The following ZFYVE9 variants were observed in gnomAD, a reference collection of about 807,000 sequenced individuals.
ZFYVE9 encodes zinc finger FYVE domain-containing protein 9.
A neutral mutation model predicts 126.7 loss-of-function variants in ZFYVE9; 43 were observed. The observed-to-expected ratio is 0.34, with a 90% confidence interval of 0.27 to 0.44. ZFYVE9 has a LOEUF of 0.44. ZFYVE9 is among the 20% of genes least tolerant of loss of function. The probability of loss-of-function intolerance (pLI) is 1.00; values close to 1 mark genes in which losing one functional copy is unlikely to be tolerated. For missense variants in ZFYVE9, 1,476 were observed against 1,697.0 expected, an observed-to-expected ratio of 0.87 and a Z score of 2.29; for synonymous variants, 521 against 597.4, an observed-to-expected ratio of 0.87 and a Z score of 1.87.
intron 1 of ZFYVE9, among the ~76,000 whole-genome samples, chr1:52,143,502 G>T (rs1252944624): frequency 6.6e-6 from 1 of 151,994 alleles, no homozygotes; most frequent in Non-Finnish European, 1.5e-5. Flanking sequence ...AGAAAACTTG[G>T]GAATTATAGA....
At chr1:52,288,951 AAG>A (rs1393518165) in intron 10 of ZFYVE9, among the ~76,000 whole-genome samples, 3 of 151,686 alleles carry the variant, frequency 2.0e-5, no homozygotes, top group East Asian at 1.9e-4. Context: ...AAAAAAGAAA[AAG>A]AAATATTAGT....
chr1:52,186,504 T>C (rs1233647716), intron 1 of ZFYVE9, among the ~76,000 whole-genome samples: 1 of 152,096 alleles, frequency 6.6e-6, no homozygotes, highest in African/African-American at 2.4e-5. Flanking sequence ...GGCATCCAGA[T>C]AGGAAGAAAA....
chr1:52,224,772 TC>T (rs1290940071), intron 2 of ZFYVE9, among the ~76,000 whole-genome samples: 1 of 152,186 alleles, frequency 6.6e-6, no homozygotes, highest in Non-Finnish European at 1.5e-5. Flanking sequence ...CCTTTTATAG[TC>T]CCTGTCTTAC....
chr1:52,192,043 T>TC (rs397779968), intron 1 of ZFYVE9, among the ~76,000 whole-genome samples: 8 of 151,496 alleles, frequency 5.3e-5, no homozygotes, highest in East Asian at 3.9e-4. Flanking sequence ...TTTTTTTTTT[T>TC]CTAGAACAAG....
At chr1:52,206,875 G>C (rs1644983139) in intron 1 of ZFYVE9, among the ~76,000 whole-genome samples, 1 of 152,196 alleles carries the variant, frequency 6.6e-6, no homozygotes, top group Admixed American at 6.5e-5. Flanking sequence ...CTAGCTTGCA[G>C]ACAGTAAATC....
At chr1:52,151,004 T>C (rs1360390977) in intron 1 of ZFYVE9, among the ~76,000 whole-genome samples, 1 of 151,696 alleles carries the variant, frequency 6.6e-6, no homozygotes, top group African/African-American at 2.4e-5. Flanking sequence ...TTTTTTTTTT[T>C]TTAGTAGTAG....
chr1:52,334,865 G>GT, intron 15 of ZFYVE9, 97 bp downstream of exon 15: 3 of 1,198,610 alleles, frequency 2.5e-6, no homozygotes, highest in South Asian at 2.7e-5. Context: ...GACTCCTACT[G>GT]TTTTTTCAGT....
At chr1:52,166,415 C>T (rs560942246) in intron 1 of ZFYVE9, among the ~76,000 whole-genome samples, 1 of 152,166 alleles carries the variant, frequency 6.6e-6, no homozygotes, top group Non-Finnish European at 1.5e-5. Context: ...TTGCAACCTG[C>T]ACTTTACCTC....
At chr1:52,143,135 CCA>C (rs1265059165) in intron 1 of ZFYVE9, among the ~76,000 whole-genome samples, 1 of 152,146 alleles carries the variant, frequency 6.6e-6, no homozygotes, top group East Asian at 1.9e-4. Flanking sequence ...GGTCTGCCCC[CCA>C]CACCCCGCCA....
chr1:52,162,619 GA>G (rs1381048684), intron 1 of ZFYVE9: 1 of 256,892 alleles, frequency 3.9e-6, no homozygotes, highest in Non-Finnish European at 8.2e-6. Context: ...CATACTTCAC[GA>G]AGATCTCTGT....
intron 1 of ZFYVE9, among the ~76,000 whole-genome samples, chr1:52,212,920 A>G (rs572326317): frequency 1.3e-4 from 20 of 152,328 alleles, no homozygotes; most frequent in Non-Finnish European, 2.1e-4. Context: ...GGAATATTAG[A>G]GGAGTTCTGT....
intron 11 of ZFYVE9, among the ~76,000 whole-genome samples, chr1:52,294,502 T>G (rs1184771818): frequency 1.3e-5 from 2 of 152,236 alleles, no homozygotes; most frequent in Admixed American, 6.5e-5. Context: ...AGGCCTCCCA[T>G]ATATCCTGAA....
In ZFYVE9 at chr1:52,322,447, G is replaced by C. The variant is rs147021960; in HGVS notation, c.3439-10321G>C. Among the ~76,000 whole-genome samples the C allele has an allele frequency of 2.3e-3, 339 of 144,500 alleles. 6 individuals carry two copies. Among genetic ancestry groups the C allele is most frequent in the African/African-American group, 8.6e-3 (332 of 38,784 alleles). The allele number at this position is 144,500 out of a possible 152,430, so 94.8% of individuals were successfully genotyped here. ...CAGTGGAGTGCAATGGCGCGATCTC[G>C]GCTCACTGCAACTTCCGCCTCCCGG... On this transcript the variant is annotated intron_variant, in intron 13 of 18. Transcript: ENST00000287727.
intron 4 of ZFYVE9, among the ~76,000 whole-genome samples, chr1:52,255,887 G>A (rs1341791827): frequency 1.4e-5 from 2 of 144,388 alleles, no homozygotes; most frequent in African/African-American, 5.1e-5. Context: ...TTGAGTTTGA[G>A]CTATTTTGCT....
chr1:52,180,465 A>G, intron 1 of ZFYVE9: 2 of 1,103,996 alleles, frequency 1.8e-6, no homozygotes, highest in Non-Finnish European at 2.8e-6. Context: ...CCTGGAGGAA[A>G]ACCCTAAGAA....
chr1:52,153,241 G>T (rs146146248), intron 1 of ZFYVE9, among the ~76,000 whole-genome samples: 1 of 152,206 alleles, frequency 6.6e-6, no homozygotes, highest in Non-Finnish European at 1.5e-5. Flanking sequence ...TCCTCATGAT[G>T]CACAGATCCA....
At chr1:52,271,763 A>G (rs1645694948) in intron 7 of ZFYVE9, among the ~76,000 whole-genome samples, 1 of 152,222 alleles carries the variant, frequency 6.6e-6, no homozygotes. Context: ...AAATCCCACT[A>G]AAAATGTATA....
At chr1:52,162,378 C>T in intron 1 of ZFYVE9, 1 of 344,686 alleles carries the variant, frequency 2.9e-6, no homozygotes, top group Non-Finnish European at 5.8e-6. Context: ...CCTCCGCCAC[C>T]ACCACTATGA....
rs1400888445 is a variant in ZFYVE9, at chr1:52,200,046, G to A, written c.-142-16323G>A. Among the ~76,000 whole-genome samples the A allele has an allele frequency of 4.3e-5, 6 of 140,284 alleles. No homozygotes were observed. In the South Asian group the frequency reaches 1.4e-3, roughly 32 times the overall value. 92.0% of individuals were successfully genotyped at this position (140,284 alleles called of 152,430 possible). A position where few individuals can be genotyped will look rare whatever the true frequency, so the allele number is the denominator to read the frequency against. The stretch of plus-strand genomic sequence containing the variant: ...ATCCAGTTTTTTTTTTTTTATTATT[G>A]TTTTAAAAGTTCTTTGTACATTTTG... On this transcript the variant is annotated intron_variant, in intron 1 of 18. Coordinates refer to ENST00000287727, the MANE Select transcript of ZFYVE9 (RefSeq NM_004799.4).
Sources: allele counts gnomAD v4.1 joint callset (sites outside exome capture counted in the v4.1 genomes callset), GRCh38; gene constraint gnomAD v4.1.1; transcripts MANE v1.5; gene names NCBI Gene and HGNC (gene_info 2026-07-23, HGNC 2026-07-21).